SHROOM2: variants seen among roughly 807,000 people sequenced by gnomAD.
SHROOM2 encodes shroom family member 2.
In SHROOM2, 33 loss-of-function variants were observed where a neutral mutation model predicts 75.9. The observed-to-expected ratio is 0.43, with a 90% confidence interval of 0.33 to 0.58. The LOEUF (loss-of-function observed/expected upper bound fraction) is 0.58. Ranked by LOEUF, SHROOM2 falls within the 20% of genes least tolerant of loss-of-function variation. The pLI is 0.04. For synonymous variants in SHROOM2, 655 were observed against 663.6 expected (o/e 0.99, Z 0.20); for missense variants, 1,434 against 1,461.2 (o/e 0.98, Z 0.30).
At position 9,896,437 on chromosome X, in the gene SHROOM2, G is replaced by C; in HGVS notation, c.2529G>C (p.Ser843=). ...GRTCEGTEPW[S]RTTSLGDSLN... ...CATGTGAGGGCACGGAGCCCTGGTCGCGCACCACCTCCCTTGGGGACAGCC... is the reference window on the plus strand; with the variant it reads ...CATGTGAGGGCACGGAGCCCTGGTCCCGCACCACCTCCCTTGGGGACAGCC... The change falls in exon 4 of 10, where the codon TCG becomes TCC. Residue 843 remains serine (S), a synonymous_variant. Transcript: ENST00000380913. 3 of 1,211,790 alleles carry C rather than the reference G, an allele frequency of 2.5e-6. No individual in the cohort carries two copies. In the South Asian group the frequency reaches 5.3e-5, roughly 21 times the overall value.
At chrX:9,943,061 T>C (rs1299522542) in intron 8 of SHROOM2, among the ~76,000 whole-genome samples, 1 of 108,682 alleles carries the variant, frequency 9.2e-6, no homozygotes, top group African/African-American at 3.4e-5. Flanking sequence ...ACCCCGTCTC[T>C]ACAAAAATAA....
chrX:9,786,776 G>A (rs2083615920), intron 1 of SHROOM2, 66 bp downstream of exon 1: 1 of 795,010 alleles, frequency 1.3e-6, no homozygotes, highest in African/African-American at 2.2e-5. Context: ...GCGCGTCGAG[G>A]TAGGGGCGCG....
intron 1 of SHROOM2, among the ~76,000 whole-genome samples, chrX:9,792,113 ATAG>A (rs2083663047): frequency 5.1e-5 from 1 of 19,593 alleles, no homozygotes. Context: ...ATAGAATAGA[ATAG>A]AATAGAATAG....
chrX:9,822,985 ATTC>A (rs1193729528), intron 1 of SHROOM2, among the ~76,000 whole-genome samples: 30 of 88,251 alleles, frequency 3.4e-4, no homozygotes, highest in Middle Eastern at 6.2e-3. Flanking sequence ...AAGAATAATA[ATTC>A]TTCTTCTTCT....
Position 9,932,169 on chromosome X carries a change from C to T in SHROOM2, c.2892-6C>T. On this transcript the variant is annotated splice_region_variant and splice_polypyrimidine_tract_variant and intron_variant, in intron 5 of 9. Coordinates refer to ENST00000380913, the MANE Select transcript of SHROOM2 (RefSeq NM_001649.4). ...GTTGATTAATTTGTACTTGTTCTTC[C>T]TCTAGACAAGCAGATGCCCAGTGTC... The T allele has an allele frequency of 8.9e-7, 1 of 1,129,452 alleles. No individual in the cohort carries two copies. The highest frequency in any genetic ancestry group is 2.2e-5 in the South Asian group (1 of 45,227). 93.1% of individuals were successfully genotyped at this position (1,129,452 alleles called of 1,213,427 possible). A position where few individuals can be genotyped will look rare whatever the true frequency, so the allele number is the denominator to read the frequency against.
rs763168957 is a variant in SHROOM2 at position 9,799,611 on chromosome X, C to T, written c.165+12901C>T. Among the ~76,000 whole-genome samples the T allele has an allele frequency of 8.1e-5, 9 of 111,340 alleles. No individual in the cohort carries two copies. In the East Asian group the frequency reaches 1.4e-3, roughly 17 times the overall value. Reference sequence around the variant, plus strand: ...GAAAACTCTTTATTTCCCCTTCTTTCTATTTTTACAGTGGCTTACACTGGT... The same window carrying T: ...GAAAACTCTTTATTTCCCCTTCTTTTTATTTTTACAGTGGCTTACACTGGT... On this transcript the variant is annotated intron_variant, in intron 1 of 9. Coordinates refer to ENST00000380913, the MANE Select transcript of SHROOM2 (RefSeq NM_001649.4).
At chrX:9,926,518 C>T (rs2084595608) in intron 5 of SHROOM2, among the ~76,000 whole-genome samples, 1 of 111,291 alleles carries the variant, frequency 9.0e-6, no homozygotes, top group Non-Finnish European at 1.9e-5. Flanking sequence ...TGCTTACTTA[C>T]CCTGGACACA....
intron 1 of SHROOM2, among the ~76,000 whole-genome samples, chrX:9,872,716 A>G (rs1177715092): frequency 2.7e-5 from 3 of 112,135 alleles, no homozygotes; most frequent in Non-Finnish European, 5.6e-5. Context: ...GATTAGGGCT[A>G]TGACAAAAAA....
At chrX:9,809,571 G>A (rs907708477) in intron 1 of SHROOM2, among the ~76,000 whole-genome samples, 2 of 112,324 alleles carry the variant, frequency 1.8e-5, no homozygotes, top group East Asian at 5.6e-4. Flanking sequence ...TCATAATTAC[G>A]CCTAACATGC....
rs369591362 is a variant in SHROOM2 at position 9,932,309 on chromosome X, G to A, written c.3026G>A (p.Arg1009Gln). ...GCCCCAGAGCTGCCCCGGGAGGGCC[G>A]GGGCCGAGCGGGAACCCTACCTCGA... Reference protein sequence around the residue: ...RGAPELPREGRGRAGTLPRDY... With the variant: ...RGAPELPREGQGRAGTLPRDY... Residue 1009 changes from arginine (R) to glutamine (Q), a missense_variant, in exon 6 of 10, where the codon CGG (arginine) becomes CAG (glutamine). Physicochemically the swap from Arg to Gln is conservative, Grantham distance 43. This residue lies in a region of SHROOM2 where 1,340 missense variants were observed against 1,338.3 expected (regional missense o/e 1.00). Transcript: ENST00000380913. 7 of 1,204,846 alleles carry A rather than the reference G, an allele frequency of 5.8e-6. No homozygotes were observed. The South Asian group carries it at 7.1e-5, about 12-fold the overall frequency.
At chrX:9,884,363 C>CTTTT (rs2084248443) in intron 2 of SHROOM2, among the ~76,000 whole-genome samples, 2 of 61,141 alleles carry the variant, frequency 3.3e-5, no homozygotes, top group African/African-American at 1.6e-4. Context: ...TTTTTTTTTT[C>CTTTT]TTTTCTTTTT....
chrX:9,945,961 C>A (rs1353772906), intron 9 of SHROOM2, among the ~76,000 whole-genome samples: 2 of 112,889 alleles, frequency 1.8e-5, no homozygotes, highest in Non-Finnish European at 3.7e-5. Context: ...GCACCCTTCC[C>A]CTTTCTCCAG....
chrX:9,936,304 G>A (rs2147058865), intron 6 of SHROOM2, among the ~76,000 whole-genome samples: 1 of 109,650 alleles, frequency 9.1e-6, no homozygotes, highest in East Asian at 2.9e-4. Context: ...TAGAGACAGG[G>A]TTTCTCCATG....
At chrX:9,820,116 A>T (rs376873669) in intron 1 of SHROOM2, among the ~76,000 whole-genome samples, 4 of 94,291 alleles carry the variant, frequency 4.2e-5, no homozygotes, top group South Asian at 5.0e-4. Flanking sequence ...CACCTTTAAA[A>T]TTTTTTTTTT....
At chrX:9,870,704 A>G (rs1474609199) in intron 1 of SHROOM2, among the ~76,000 whole-genome samples, 5 of 112,338 alleles carry the variant, frequency 4.5e-5, no homozygotes, top group Admixed American at 9.5e-5. Context: ...GGATGTTTAC[A>G]TTGTCATGAG....
intron 5 of SHROOM2, among the ~76,000 whole-genome samples, chrX:9,916,941 G>A (rs2084495820): frequency 9.0e-6 from 1 of 111,646 alleles, no homozygotes; most frequent in South Asian, 3.8e-4. Flanking sequence ...GCCTCTGTGT[G>A]GCCAGTTCTG....
At chrX:9,809,666 GA>G (rs1430196479) in intron 1 of SHROOM2, among the ~76,000 whole-genome samples, 1 of 112,403 alleles carries the variant, frequency 8.9e-6, no homozygotes, top group Non-Finnish European at 1.9e-5. Flanking sequence ...ATGCTGATAT[GA>G]AGTCAATAAA....
At chrX:9,788,183 C>A (rs927678874) in intron 1 of SHROOM2, among the ~76,000 whole-genome samples, 11 of 110,543 alleles carry the variant, frequency 1.0e-4, no homozygotes, top group African/African-American at 3.6e-4. Context: ...AGCCACTGCG[C>A]TTGGCTCAGA....
intron 5 of SHROOM2, among the ~76,000 whole-genome samples, chrX:9,930,521 AAAAGAAAGAAAG>A (rs527400882): frequency 1.1e-3 from 115 of 107,654 alleles, no homozygotes; most frequent in Non-Finnish European, 1.7e-3. Context: ...AAAAAAAAAG[AAAAGAAAGAAAG>A]AAAGAAAGAA....
Sources: gnomAD v4.1 joint callset for allele counts (sites outside exome capture counted in the v4.1 genomes callset) on GRCh38, gnomAD v4.1.1 for gene constraint, gnomAD v4.1.1 regional missense constraint, MANE v1.5 for transcripts, NCBI Gene and HGNC (gene_info 2026-07-23, HGNC 2026-07-21) for gene names.